Variants in DAB1 observed in about 807,000 individuals in gnomAD.
DAB1 encodes disabled homolog 1.
In DAB1, 15 loss-of-function variants were observed where a neutral mutation model predicts 64.6. The ratio of observed to expected loss-of-function variants is 0.23; its 90% CI spans 0.16 to 0.36. The LOEUF (loss-of-function observed/expected upper bound fraction) is 0.36. Ranked by LOEUF, DAB1 falls within the 10% of genes least tolerant of loss-of-function variation. DAB1 has a pLI of 1.00. For missense variants in DAB1, 596 were observed against 706.7 expected, an observed-to-expected ratio of 0.84 and a Z score of 1.78; for synonymous variants, 235 against 251.9, an observed-to-expected ratio of 0.93 and a Z score of 0.64.
At chr1:57,574,371 G>A (rs571330530) in intron 7 of DAB1, among the ~76,000 whole-genome samples, 1 of 152,280 alleles carries the variant, frequency 6.6e-6, no homozygotes, top group Non-Finnish European at 1.5e-5. Context: ...GGTCAAAGTG[G>A]AGAATGGGAA....
At chr1:58,251,407 C>A (rs1166101223) in intron 4 of DAB1, among the ~76,000 whole-genome samples, 2 of 152,074 alleles carry the variant, frequency 1.3e-5, no homozygotes, top group South Asian at 4.2e-4. Context: ...TAGTAATAAT[C>A]GCTATTGACC....
intron 3 of DAB1, among the ~76,000 whole-genome samples, chr1:58,371,705 G>C (rs1644265293): frequency 6.6e-6 from 1 of 152,164 alleles, no homozygotes; most frequent in Non-Finnish European, 1.5e-5. Flanking sequence ...GGACCCCCCT[G>C]CTCTGTGAAG....
intron 7 of DAB1, among the ~76,000 whole-genome samples, chr1:57,437,626 A>T (rs1685743948): frequency 6.6e-6 from 1 of 152,166 alleles, no homozygotes; most frequent in Admixed American, 6.5e-5. Flanking sequence ...TTTAGTTCAT[A>T]CCTTTACATG....
chr1:58,454,844 C>G (rs1645177825), intron 3 of DAB1, among the ~76,000 whole-genome samples: 1 of 152,184 alleles, frequency 6.6e-6, no homozygotes, highest in African/African-American at 2.4e-5. Flanking sequence ...CACCCTCTTC[C>G]TACCTTTGAA....
intron 6 of DAB1, among the ~76,000 whole-genome samples, chr1:57,734,549 C>T (rs772064538): frequency 3.9e-5 from 6 of 152,224 alleles, no homozygotes; most frequent in Non-Finnish European, 7.3e-5. Flanking sequence ...ACTGAAGCAT[C>T]TATTCCATTC....
chr1:57,581,049 C>G (rs1645306690), intron 7 of DAB1, among the ~76,000 whole-genome samples: 1 of 152,214 alleles, frequency 6.6e-6, no homozygotes, highest in South Asian at 2.1e-4. Flanking sequence ...GTGTGTGGGG[C>G]CCTCTCTGGG....
rs147563591 is a variant in DAB1 at position 58,001,893 on chromosome 1, C to T, written n.388-117731G>A. Among the ~76,000 whole-genome samples the T allele has an allele frequency of 4.4e-4, 67 of 152,228 alleles. 2 individuals carry two copies. In the East Asian group the frequency reaches 0.011, roughly 25 times the overall value. On this transcript the variant is annotated intron_variant and non_coding_transcript_variant, in intron 5 of 20. Coordinates refer to the DAB1 transcript ENST00000485760. ...TCAACCCTAAATGCAATTGCAGTCTCTTTATAAAAGGCAAAGGAGATTTCA... is the reference window on the plus strand; with the variant it reads ...TCAACCCTAAATGCAATTGCAGTCTTTTTATAAAAGGCAAAGGAGATTTCA...
intron 2 of DAB1, among the ~76,000 whole-genome samples, chr1:57,223,005 C>T (rs960966373): frequency 6.6e-6 from 1 of 152,156 alleles, no homozygotes. Flanking sequence ...GCCTGGCTTC[C>T]CCATTGAGCC....
At chr1:57,158,851 C>T (rs1660480289) in intron 2 of DAB1, among the ~76,000 whole-genome samples, 1 of 152,148 alleles carries the variant, frequency 6.6e-6, no homozygotes, top group Non-Finnish European at 1.5e-5. Context: ...TAATATTCAA[C>T]CTATGACTCA....
intron 6 of DAB1, among the ~76,000 whole-genome samples, chr1:57,706,461 G>A (rs1646968027): frequency 6.6e-6 from 1 of 152,048 alleles, no homozygotes; most frequent in South Asian, 2.1e-4. Flanking sequence ...GGGGTTACAG[G>A]TGCACACTAC....
At chr1:58,506,357 T>C in intron 2 of DAB1, 1 of 544,052 alleles carries the variant, frequency 1.8e-6, no homozygotes, top group Non-Finnish European at 3.2e-6. Context: ...TACATACGTA[T>C]ACATGTGCCA....
intron 4 of DAB1, among the ~76,000 whole-genome samples, chr1:58,198,904 G>A (rs113382049): frequency 6.6e-6 from 1 of 151,948 alleles, no homozygotes; most frequent in Non-Finnish European, 1.5e-5. Context: ...TCAAGAGTTC[G>A]GGACCAGCCT....
intron 7 of DAB1, among the ~76,000 whole-genome samples, chr1:57,482,980 G>A (rs995169370): frequency 6.6e-6 from 1 of 152,082 alleles, no homozygotes; most frequent in Admixed American, 6.6e-5. Flanking sequence ...GAAAATTAAG[G>A]TCTATTTGAA....
chr1:58,208,862 T>C (rs1454034647), intron 4 of DAB1, among the ~76,000 whole-genome samples: 1 of 152,172 alleles, frequency 6.6e-6, no homozygotes, highest in African/African-American at 2.4e-5. Context: ...GGAATCTTCA[T>C]AGAGTTAAAA....
At chr1:58,114,243 C>T (rs1344050273) in intron 5 of DAB1, among the ~76,000 whole-genome samples, 1 of 152,062 alleles carries the variant, frequency 6.6e-6, no homozygotes, top group Non-Finnish European at 1.5e-5. Context: ...GCCTGGGCAA[C>T]AGAGAGAGAC....
chr1:58,035,841 A>G (rs557962599), intron 5 of DAB1, among the ~76,000 whole-genome samples: 1 of 152,224 alleles, frequency 6.6e-6, no homozygotes, highest in East Asian at 1.9e-4. Context: ...CCTAAGGAAA[A>G]CTGCAGCTTT....
At chr1:57,565,832 C>T (rs901529847) in intron 7 of DAB1, among the ~76,000 whole-genome samples, 1 of 152,154 alleles carries the variant, frequency 6.6e-6, no homozygotes, top group Non-Finnish European at 1.5e-5. Context: ...TAATGAGAGA[C>T]TTTAACACCC....
chr1:57,239,104 A>G (rs1463368758), intron 2 of DAB1, among the ~76,000 whole-genome samples: 1 of 152,142 alleles, frequency 6.6e-6, no homozygotes, highest in East Asian at 1.9e-4. Flanking sequence ...CATTAAGCTC[A>G]TTGCCCTTGT....
chr1:58,098,290 G>T (rs1651110727), intron 5 of DAB1, among the ~76,000 whole-genome samples: 1 of 152,088 alleles, frequency 6.6e-6, no homozygotes, highest in African/African-American at 2.4e-5. Context: ...ACAAGCAAAG[G>T]GAAAACAGGA....
Sources: gnomAD v4.1 joint callset for allele counts (sites outside exome capture counted in the v4.1 genomes callset) on GRCh38, gnomAD v4.1.1 for gene constraint, MANE v1.5 for transcripts, NCBI Gene and HGNC (gene_info 2026-07-23, HGNC 2026-07-21) for gene names.